The following MMP20 variants were observed in gnomAD, a reference collection of about 807,000 sequenced individuals.
The protein encoded by MMP20 is matrix metallopeptidase 20.
MMP20 carries 50 observed loss-of-function variants against 51.8 expected under a neutral mutation model. The observed-to-expected ratio is 0.97, with a 90% CI of 0.77 to 1.22. MMP20 has a LOEUF of 1.22. Among genes scored for constraint, MMP20 ranks in the 50% most tolerant of loss-of-function variants. MMP20 has a pLI of 0.00. For missense variants in MMP20, 663 were observed against 601.4 expected (o/e 1.10, Z -1.07); for synonymous variants, 244 against 216.2 (o/e 1.13, Z -1.13).
intron 3 of MMP20, among the ~76,000 whole-genome samples, chr11:102,611,302 C>T (rs568848274): frequency 6.6e-6 from 1 of 152,326 alleles, no homozygotes; most frequent in East Asian, 1.9e-4. Flanking sequence ...AGAAACGATA[C>T]TTTCCTAACC....
chr11:102,624,226 G>A (rs1055622017), intron 1 of MMP20, among the ~76,000 whole-genome samples: 1 of 152,180 alleles, frequency 6.6e-6, no homozygotes, highest in Non-Finnish European at 1.5e-5. Context: ...GCCCTGAGGC[G>A]GAGCTGGTGA....
chr11:102,622,679 C>T (rs562774901), intron 1 of MMP20, among the ~76,000 whole-genome samples: 2 of 152,324 alleles, frequency 1.3e-5, no homozygotes, highest in Admixed American at 1.3e-4. Context: ...CATTGGTTGA[C>T]TTGTTTATCT....
intron 1 of MMP20, among the ~76,000 whole-genome samples, chr11:102,619,338 C>G (rs974004349): frequency 6.6e-6 from 1 of 152,106 alleles, no homozygotes; most frequent in African/African-American, 2.4e-5. Flanking sequence ...ACTCTACATT[C>G]TAGTTTTTGT....
intron 1 of MMP20, among the ~76,000 whole-genome samples, chr11:102,619,091 C>T (rs1313398789): frequency 1.3e-5 from 2 of 152,104 alleles, no homozygotes; most frequent in African/African-American, 4.8e-5. Context: ...TGGTTCCATT[C>T]CGTCTCTAGT....
chr11:102,601,778 C>G (rs1859448837), intron 6 of MMP20, among the ~76,000 whole-genome samples: 2 of 152,294 alleles, frequency 1.3e-5, no homozygotes, highest in South Asian at 2.1e-4. Flanking sequence ...ATATTATACT[C>G]TCAGCCATGA....
In MMP20 at chr11:102,577,365, C is replaced by G. The variant is rs1190942338; in HGVS notation, c.1413G>C (p.Val471=). 3.1e-6 allele frequency: 5 copies of G among 1,614,002 alleles called. No homozygotes were observed. The South Asian group carries it at 5.5e-5, about 18-fold the overall frequency. Residue 471 remains valine, a synonymous_variant, in exon 10 of 10, where the codon GTG becomes GTC. Coordinates refer to ENST00000260228, the MANE Select transcript of MMP20 (RefSeq NM_004771.4). The part of the protein sequence containing the change: ...TYKYDTEKED[V]VSVVKSSSWI... ...AGGAACTAGATTTCACCACACTAAC[C>G]ACATCTTCCTTCTCTGTGTCATACT... is the stretch of plus-strand genomic sequence containing the variant.
At chr11:102,594,529 A>T in intron 7 of MMP20, 92 bp downstream of exon 7, 1 of 1,534,264 alleles carries the variant, frequency 6.5e-7, no homozygotes, top group Non-Finnish European at 8.9e-7. Flanking sequence ...GTGCTCCATG[A>T]TGACTGGAAA....
At chr11:102,606,836 G>C in intron 5 of MMP20, 160 bp from the exon 6 acceptor site, 1 of 791,098 alleles carries the variant, frequency 1.3e-6, no homozygotes, top group Non-Finnish European at 2.1e-6. Flanking sequence ...GGCTCTCCTG[G>C]TTGCTGAGCT....
rs2135929643 is a variant in MMP20 at position 102,585,270 on chromosome 11, T to A, written c.1248-6128A>T. ...CACTCCATTTAGATCTTGCTTAATT[T>A]CTTTCAACAATGTTTTGTAGTTTTC... On this transcript the variant is annotated intron_variant, in intron 8 of 9. Transcript: ENST00000260228. Among the ~76,000 whole-genome samples, 2 of 152,298 alleles carry A rather than the reference T, an allele frequency of 1.3e-5. 1 individual carries two copies. Among genetic ancestry groups the A allele is most frequent in the South Asian group, 4.1e-4 (2 of 4,834 alleles).
At chr11:102,621,591 C>T (rs1012443596) in intron 1 of MMP20, among the ~76,000 whole-genome samples, 2 of 152,134 alleles carry the variant, frequency 1.3e-5, no homozygotes, top group Admixed American at 1.3e-4. Flanking sequence ...TCATTAAGTC[C>T]ATGTCTGGAA....
chr11:102,577,970 A>G (rs1859145741), intron 9 of MMP20, among the ~76,000 whole-genome samples: 1 of 152,184 alleles, frequency 6.6e-6, no homozygotes, highest in African/African-American at 2.4e-5. Context: ...TGGTCTTTGC[A>G]CTTCTGAACA....
In MMP20 at chr11:102,579,102, T is replaced by C. The variant is rs1302710694; in HGVS notation, c.1288A>G (p.Lys430Glu). 2.5e-6 allele frequency: 4 copies of C among 1,613,580 alleles called. No individual in the cohort carries two copies. Among genetic ancestry groups the C allele is most frequent in the Non-Finnish European group, 2.5e-6 (3 of 1,179,684 alleles). The change falls in exon 9 of 10, where the codon AAG (lysine) becomes GAG (glutamate). Residue 430 changes from lysine to glutamate, a missense_variant. Transcript: ENST00000260228. ...CCTGAAAATTCTTCTTCAGTATTCT[T>C]TGGATAGTCTTTTTCCATTTTCCTT... Reference protein sequence around the residue: ...RKRKMEKDYPKNTEEEFSGVN... With the variant: ...RKRKMEKDYPENTEEEFSGVN...
chr11:102,612,000 C>G lies in MMP20; in HGVS notation c.375-97G>C. ...TCAAAAAATGTTAAATGTAAATCTA[C>G]AATTTAGATTTTTCTCTGAAATAAT... On this transcript the variant is annotated intron_variant, in intron 2 of 9. Coordinates refer to ENST00000260228, the MANE Select transcript of MMP20 (RefSeq NM_004771.4). 4 of 1,193,502 alleles carry G rather than the reference C, an allele frequency of 3.4e-6. No homozygotes were observed. The South Asian group carries it at 5.2e-5, about 16-fold the overall frequency. 73.9% of individuals were successfully genotyped at this position (1,193,502 alleles called of 1,614,324 possible).
chr11:102,616,836 C>T lies in MMP20; in HGVS notation c.350G>A (p.Trp117Ter), dbSNP rs777898802. 6.2e-7 allele frequency: 1 copy of T among 1,613,748 alleles called. No individual in the cohort carries two copies. The highest frequency in any genetic ancestry group is 8.5e-7 in the Non-Finnish European group (1 of 1,179,874). The change falls in exon 2 of 10, where the codon TGG becomes TAG. Residue 117 changes from tryptophan to a stop codon, truncating the protein, a stop_gained. Coordinates refer to ENST00000260228, the MANE Select transcript of MMP20 (RefSeq NM_004771.4). LOFTEE classifies it high-confidence loss of function. The part of the protein sequence containing the change: ...NYRLFPGEPK[W>*]KKNTLTYRIS... Reference sequence around the variant, plus strand: ...CCTGTATGTCAAAGTATTTTTTTTCCATTTGGGTTCACCAGGGAAGAGGCG... The same window carrying T: ...CCTGTATGTCAAAGTATTTTTTTTCTATTTGGGTTCACCAGGGAAGAGGCG...
At chr11:102,606,424 A>T in intron 6 of MMP20, 111 bp downstream of exon 6, 1 of 1,408,748 alleles carries the variant, frequency 7.1e-7, no homozygotes, top group Non-Finnish European at 9.9e-7. Flanking sequence ...TGCATAGGAC[A>T]GCATTTCTGC....
chr11:102,589,019 C>T (rs1859284168), intron 8 of MMP20, among the ~76,000 whole-genome samples: 1 of 152,140 alleles, frequency 6.6e-6, no homozygotes, highest in Non-Finnish European at 1.5e-5. Flanking sequence ...TATTGAGTTT[C>T]TCCCTTATGG....
At chr11:102,615,496 C>T (rs1224815448) in intron 2 of MMP20, among the ~76,000 whole-genome samples, 6 of 152,100 alleles carry the variant, frequency 3.9e-5, no homozygotes, top group African/African-American at 7.2e-5. Flanking sequence ...GACTATTGCA[C>T]GAGTCCAGCC....
At chr11:102,590,469 C>T (rs1426392367) in intron 8 of MMP20, among the ~76,000 whole-genome samples, 1 of 152,192 alleles carries the variant, frequency 6.6e-6, no homozygotes, top group South Asian at 2.1e-4. Context: ...CCTAATCCAA[C>T]CTGGCCCCAA....
chr11:102,610,908 T>C (rs1859590614), intron 3 of MMP20, among the ~76,000 whole-genome samples: 1 of 152,156 alleles, frequency 6.6e-6, no homozygotes, highest in Non-Finnish European at 1.5e-5. Context: ...GGGGACAGAC[T>C]GTAAGCTTGA....
Sources: gnomAD v4.1 joint callset for allele counts (sites outside exome capture counted in the v4.1 genomes callset) on GRCh38, gnomAD v4.1.1 for gene constraint, MANE v1.5 for transcripts, NCBI Gene and HGNC (gene_info 2026-07-23, HGNC 2026-07-21) for gene names.